Variants in LRRC4C observed in about 807,000 individuals in gnomAD.
LRRC4C encodes leucine rich repeat containing 4C.
In LRRC4C, 5 loss-of-function variants were observed where a neutral mutation model predicts 33.6. The observed-to-expected ratio is 0.15, with a 90% CI of 0.08 to 0.31. The LOEUF (loss-of-function observed/expected upper bound fraction) is 0.31. Among genes scored for constraint, LRRC4C ranks in the 10% least tolerant of loss-of-function variants. The probability of loss-of-function intolerance (pLI) is 1.00; values close to 1 mark genes in which losing one functional copy is unlikely to be tolerated. For synonymous variants in LRRC4C, 329 were observed against 302.0 expected (o/e 1.09, Z -0.93); for missense variants, 560 against 796.7 (o/e 0.70, Z 3.58).
chr11:40,195,841 G>C (rs12803961), intron 5 of LRRC4C, among the ~76,000 whole-genome samples: 66,016 of 151,926 alleles, frequency 0.43, 14,588 homozygotes, highest in East Asian at 0.58. Flanking sequence ...TTGTCTGAGA[G>C]GCAAAGAGCA....
intron 2 of LRRC4C, among the ~76,000 whole-genome samples, chr11:40,881,082 TCTC>T (rs1475221637): frequency 6.6e-6 from 1 of 151,952 alleles, no homozygotes; most frequent in Non-Finnish European, 1.5e-5. Context: ...ATTGTGCCCT[TCTC>T]CTGAGTCTCA....
At chr11:40,486,744 G>A (rs1307811794) in intron 3 of LRRC4C, among the ~76,000 whole-genome samples, 1 of 151,920 alleles carries the variant, frequency 6.6e-6, no homozygotes, top group Admixed American at 6.6e-5. Flanking sequence ...AAAATGGTGT[G>A]TATATAGATA....
intron 1 of LRRC4C, among the ~76,000 whole-genome samples, chr11:41,231,101 TAGTC>T (rs767120274): frequency 4.3e-4 from 65 of 151,920 alleles, no homozygotes; most frequent in Non-Finnish European, 8.4e-4. Flanking sequence ...GATCATTAAA[TAGTC>T]AGGAAACAAC....
intron 3 of LRRC4C, among the ~76,000 whole-genome samples, chr11:40,502,945 A>G (rs1284754627): frequency 6.6e-6 from 1 of 152,200 alleles, no homozygotes; most frequent in Non-Finnish European, 1.5e-5. Flanking sequence ...ATTAGAAAAG[A>G]TCTGAAAACC....
intron 2 of LRRC4C, among the ~76,000 whole-genome samples, chr11:40,770,396 C>A (rs1422948186): frequency 6.6e-6 from 1 of 152,186 alleles, no homozygotes; most frequent in Non-Finnish European, 1.5e-5. Flanking sequence ...CCCACAAGGT[C>A]TCTTCCCCAA....
At chr11:41,065,716 G>C (rs961213627) in intron 1 of LRRC4C, among the ~76,000 whole-genome samples, 1 of 152,180 alleles carries the variant, frequency 6.6e-6, no homozygotes, top group Non-Finnish European at 1.5e-5. Context: ...CCGGAGGAAA[G>C]AGCAGGTAGC....
chr11:40,242,399 C>T (rs1224045482), intron 4 of LRRC4C, among the ~76,000 whole-genome samples: 1 of 151,918 alleles, frequency 6.6e-6, no homozygotes, highest in African/African-American at 2.4e-5. Flanking sequence ...TTATGTTTTT[C>T]CCCTTTTCTC....
intron 1 of LRRC4C, among the ~76,000 whole-genome samples, chr11:41,199,735 A>G (rs936514567): frequency 1.3e-5 from 2 of 152,104 alleles, no homozygotes; most frequent in East Asian, 1.9e-4. Flanking sequence ...TGTGATTGCT[A>G]GAAGACACCA....
intron 2 of LRRC4C, among the ~76,000 whole-genome samples, chr11:40,705,004 T>G (rs952710009): frequency 6.6e-6 from 1 of 152,002 alleles, no homozygotes; most frequent in African/African-American, 2.4e-5. Context: ...AACTGTATAT[T>G]TAGGAATAAT....
intron 1 of LRRC4C, among the ~76,000 whole-genome samples, chr11:41,143,139 A>G (rs1355779854): frequency 2.4e-4 from 36 of 152,126 alleles, no homozygotes; most frequent in Non-Finnish European, 7.4e-5. Flanking sequence ...AAGTGCCACA[A>G]TAATCTCTCT....
chr11:41,439,400 C>T (rs1157090029), intron 1 of LRRC4C, among the ~76,000 whole-genome samples: 2 of 152,064 alleles, frequency 1.3e-5, no homozygotes, highest in East Asian at 3.9e-4. Flanking sequence ...TAATAGTGGA[C>T]TTGCTGGATC....
At chr11:41,205,333 C>A (rs1946555465) in intron 1 of LRRC4C, among the ~76,000 whole-genome samples, 1 of 152,244 alleles carries the variant, frequency 6.6e-6, no homozygotes. Context: ...CTGATTATTG[C>A]ATGGAGAATG....
chr11:40,631,728 TA>T (rs1178060341), intron 3 of LRRC4C, among the ~76,000 whole-genome samples: 2 of 152,170 alleles, frequency 1.3e-5, no homozygotes, highest in Non-Finnish European at 2.9e-5. Flanking sequence ...CTGCAAATAT[TA>T]TCTGAGATCC....
chr11:40,922,552 C>A (rs1250363332), intron 2 of LRRC4C, among the ~76,000 whole-genome samples: 3 of 152,104 alleles, frequency 2.0e-5, no homozygotes, highest in Non-Finnish European at 2.9e-5. Context: ...TTTAATTATG[C>A]ATGTGGTAAA....
chr11:40,704,378 T>C (rs1166685567), intron 2 of LRRC4C, among the ~76,000 whole-genome samples: 3 of 152,152 alleles, frequency 2.0e-5, no homozygotes, highest in Non-Finnish European at 4.4e-5. Flanking sequence ...TACAAAGAAA[T>C]GGAGAAAGAC....
chr11:41,111,460 GTATAT>G (rs1213700614), intron 1 of LRRC4C, among the ~76,000 whole-genome samples: 3 of 151,962 alleles, frequency 2.0e-5, no homozygotes, highest in Non-Finnish European at 2.9e-5. Flanking sequence ...TGTAGATAAA[GTATAT>G]TAAACTATTA....
At chr11:41,254,800 T>C (rs1406906240) in intron 1 of LRRC4C, among the ~76,000 whole-genome samples, 1 of 152,028 alleles carries the variant, frequency 6.6e-6, no homozygotes, top group Non-Finnish European at 1.5e-5. Flanking sequence ...TGGCAAAGCT[T>C]TTTAATTTAA....
chr11:40,638,598 C>T (rs946747548), intron 3 of LRRC4C, among the ~76,000 whole-genome samples: 2 of 152,164 alleles, frequency 1.3e-5, no homozygotes, highest in Admixed American at 6.5e-5. Context: ...TTTTTAATAA[C>T]CTGTGGGATG....
intron 1 of LRRC4C, among the ~76,000 whole-genome samples, chr11:41,146,923 G>A (rs568689604): frequency 2.0e-5 from 3 of 152,072 alleles, no homozygotes; most frequent in Non-Finnish European, 4.4e-5. Context: ...AAAAATTCTG[G>A]GTTCAGGGTT....
Sources: gnomAD v4.1 joint callset for allele counts (sites outside exome capture counted in the v4.1 genomes callset) on GRCh38, gnomAD v4.1.1 for gene constraint, MANE v1.5 for transcripts, NCBI Gene and HGNC (gene_info 2026-07-23, HGNC 2026-07-21) for gene names.